Variants in MAN1C1 observed in about 807,000 individuals in gnomAD.
MAN1C1 encodes the protein mannosidase alpha class 1C member 1.
A neutral mutation model predicts 71.5 loss-of-function variants in MAN1C1; 49 were observed. The observed-to-expected ratio is 0.69, with a 90% CI of 0.54 to 0.87. The LOEUF is 0.87. Among genes scored for constraint, MAN1C1 ranks in the 40% least tolerant of loss-of-function variants. MAN1C1 has a pLI of 0.00. For synonymous variants in MAN1C1, 352 were observed against 343.7 expected (o/e 1.02, Z -0.27); for missense variants, 743 against 835.0 (o/e 0.89, Z 1.36).
At chr1:25,712,290 C>A (rs1034315633) in intron 2 of MAN1C1, among the ~76,000 whole-genome samples, 1 of 152,224 alleles carries the variant, frequency 6.6e-6, no homozygotes, top group Admixed American at 6.5e-5. Context: ...GTGGTTTGCA[C>A]ATACTAACGT....
At chr1:25,757,410 AC>A (rs1440895930) in intron 5 of MAN1C1, among the ~76,000 whole-genome samples, 4 of 151,984 alleles carry the variant, frequency 2.6e-5, no homozygotes, top group Admixed American at 2.0e-4. Flanking sequence ...ACCTCTGTCC[AC>A]CACAGCCTTC....
At chr1:25,763,842 T>G in intron 6 of MAN1C1, 32 bp from the exon 7 acceptor site, 1 of 1,591,368 alleles carries the variant, frequency 6.3e-7, no homozygotes. Flanking sequence ...TTCGGAAGCA[T>G]GAAGGCTCAC....
chr1:25,771,635 C>G, intron 7 of MAN1C1, 22 bp from the exon 8 acceptor site: 1 of 1,579,242 alleles, frequency 6.3e-7, no homozygotes, highest in Non-Finnish European at 8.7e-7. Context: ...AGATAATGTT[C>G]TTGTCCTCTT....
intron 1 of MAN1C1, among the ~76,000 whole-genome samples, chr1:25,624,942 T>G (rs564934331): frequency 1.3e-5 from 2 of 152,134 alleles, no homozygotes; most frequent in Non-Finnish European, 2.9e-5. Flanking sequence ...ACAACAACCT[T>G]GTGTTGTAGC....
At chr1:25,727,266 T>C (rs2046844773) in intron 2 of MAN1C1, among the ~76,000 whole-genome samples, 1 of 152,196 alleles carries the variant, frequency 6.6e-6, no homozygotes, top group Admixed American at 6.5e-5. Flanking sequence ...ACAAACAGAC[T>C]AAGTCCTGCC....
intron 4 of MAN1C1, among the ~76,000 whole-genome samples, chr1:25,749,539 T>C (rs542616491): frequency 1.3e-5 from 2 of 152,168 alleles, no homozygotes; most frequent in Middle Eastern, 3.2e-3. Flanking sequence ...TTGCTCATCA[T>C]GGGCATGTTG....
At chr1:25,665,097 AAG>A (rs2045902189) in intron 1 of MAN1C1, among the ~76,000 whole-genome samples, 1 of 152,162 alleles carries the variant, frequency 6.6e-6, no homozygotes, top group African/African-American at 2.4e-5. Context: ...GTTTCTGACA[AAG>A]AGGCAGAGAG....
chr1:25,676,557 A>T (rs1215879931), intron 1 of MAN1C1, among the ~76,000 whole-genome samples: 2 of 152,124 alleles, frequency 1.3e-5, no homozygotes, highest in African/African-American at 4.8e-5. Context: ...AGGAGAAAAA[A>T]ATCAACCCAA....
chr1:25,668,805 G>A (rs1451571821), intron 1 of MAN1C1, among the ~76,000 whole-genome samples: 3 of 151,896 alleles, frequency 2.0e-5, no homozygotes, highest in Admixed American at 6.6e-5. Flanking sequence ...TGATCCACCC[G>A]CCTCGGCCTC....
At chr1:25,771,871 C>CA (rs2047557723) in intron 8 of MAN1C1, 99 bp downstream of exon 8, 7 of 853,708 alleles carry the variant, frequency 8.2e-6, no homozygotes, top group Non-Finnish European at 1.4e-5. Flanking sequence ...CCAGATGGGC[C>CA]GAGACTTGCT....
At chr1:25,723,349 G>A (rs1449871624) in intron 2 of MAN1C1, among the ~76,000 whole-genome samples, 1 of 152,214 alleles carries the variant, frequency 6.6e-6, no homozygotes, top group Non-Finnish European at 1.5e-5. Context: ...CTTGCAACAA[G>A]CCCTCCTCTT....
rs2047658972 is a variant in MAN1C1, at chr1:25,779,071, A to T, written c.1477+747A>T. Among the ~76,000 whole-genome samples the T allele has an allele frequency of 6.6e-6, 1 of 152,058 alleles. No individual in the cohort carries two copies. Among genetic ancestry groups the T allele is most frequent in the Non-Finnish European group, 1.5e-5 (1 of 67,996 alleles). On this transcript the variant is annotated intron_variant, in intron 9 of 11. Transcript: ENST00000374332. This position sits in a 1 kb window ranked among gnomAD's most constrained non-coding sequence, Gnocchi z 4.6. ...CGTGCGCAAACTGCACCCCTCAGAAAAATCCCCAGCCCCCGTGTGGTCCCA... is the reference window on the plus strand; with the variant it reads ...CGTGCGCAAACTGCACCCCTCAGAATAATCCCCAGCCCCCGTGTGGTCCCA...
At chr1:25,630,341 T>C (rs560943144) in intron 1 of MAN1C1, among the ~76,000 whole-genome samples, 1 of 152,294 alleles carries the variant, frequency 6.6e-6, no homozygotes, top group East Asian at 1.9e-4. Context: ...GTGATACCTC[T>C]AGATTTGTTG....
intron 2 of MAN1C1, among the ~76,000 whole-genome samples, chr1:25,701,328 G>A (rs1292335871): frequency 6.6e-6 from 1 of 152,188 alleles, no homozygotes; most frequent in Admixed American, 6.5e-5. Flanking sequence ...TGGGCAGGAA[G>A]GGCATAGCCA....
chr1:25,710,632 T>C (rs1205449069), intron 2 of MAN1C1, among the ~76,000 whole-genome samples: 1 of 152,166 alleles, frequency 6.6e-6, no homozygotes, highest in Non-Finnish European at 1.5e-5. Flanking sequence ...TGGTTGTAAA[T>C]TGCGGGGACC....
chr1:25,780,142 T>C (rs1433379278), intron 9 of MAN1C1, among the ~76,000 whole-genome samples: 1 of 152,192 alleles, frequency 6.6e-6, no homozygotes, highest in African/African-American at 2.4e-5. Context: ...GTGAGAGGGA[T>C]AGTAGCAATT....
rs1442213751 is a variant in MAN1C1, at chr1:25,634,904, G to T, written c.540+16567G>T. On this transcript the variant is annotated intron_variant, in intron 1 of 11. Coordinates refer to ENST00000374332, the MANE Select transcript of MAN1C1 (RefSeq NM_020379.4). This position sits in a 1 kb window ranked among gnomAD's most constrained non-coding sequence, Gnocchi z 4.6. ...TCTAATATTTTTGTTAAGGATTTTTGCATCTATGTTTATGAGGGATATTGG... is the reference window on the plus strand; with the variant it reads ...TCTAATATTTTTGTTAAGGATTTTTTCATCTATGTTTATGAGGGATATTGG... 6.6e-6 allele frequency among the ~76,000 whole-genome samples: 1 copy of T among 151,264 alleles called. No homozygotes were observed. The highest frequency in any genetic ancestry group is 1.5e-5 in the Non-Finnish European group (1 of 67,874).
At chr1:25,717,254 T>G (rs574414421) in intron 2 of MAN1C1, among the ~76,000 whole-genome samples, 14 of 152,278 alleles carry the variant, frequency 9.2e-5, no homozygotes, top group African/African-American at 2.6e-4. Context: ...CTCACACCTG[T>G]AATCCCAGCA....
chr1:25,684,701 G>A (rs1203819988), intron 1 of MAN1C1, among the ~76,000 whole-genome samples: 6 of 152,226 alleles, frequency 3.9e-5, no homozygotes, highest in Non-Finnish European at 5.9e-5. Context: ...TCTCCTAAGC[G>A]CGGGCACCAG....
Sources: gnomAD v4.1 joint callset for allele counts (sites outside exome capture counted in the v4.1 genomes callset) on GRCh38, gnomAD v4.1.1 for gene constraint, Gnocchi (gnomAD v3.1) non-coding constraint, MANE v1.5 for transcripts, NCBI Gene and HGNC (gene_info 2026-07-23, HGNC 2026-07-21) for gene names.